The following STK32B variants were observed in gnomAD, a reference collection of about 807,000 sequenced individuals.
STK32B encodes serine/threonine-protein kinase 32B.
In STK32B, 43 loss-of-function variants were observed where a neutral mutation model predicts 52.6. The ratio of observed to expected loss-of-function variants is 0.82; its 90% CI spans 0.64 to 1.05. The LOEUF (loss-of-function observed/expected upper bound fraction) is 1.05, where lower values mean the gene tolerates loss of function less well. STK32B is among the 50% of genes least tolerant of loss of function. STK32B has a pLI of 0.00. For synonymous variants in STK32B, 238 were observed against 204.3 expected (o/e 1.17, Z -1.41); for missense variants, 621 against 534.6 (o/e 1.16, Z -1.59).
intron 4 of STK32B, among the ~76,000 whole-genome samples, chr4:5,392,206 G>A (rs559717678): frequency 2.4e-4 from 36 of 152,254 alleles, no homozygotes; most frequent in African/African-American, 7.0e-4. Flanking sequence ...AGGCCGAGGC[G>A]GGTGGATCAC....
chr4:5,073,352 C>A (rs1348347227), intron 1 of STK32B, among the ~76,000 whole-genome samples: 1 of 151,892 alleles, frequency 6.6e-6, no homozygotes, highest in East Asian at 1.9e-4. Flanking sequence ...TTTATCACAG[C>A]CTTACTTGCA....
At chr4:5,262,065 T>A (rs1398744987) in intron 3 of STK32B, among the ~76,000 whole-genome samples, 1 of 152,174 alleles carries the variant, frequency 6.6e-6, no homozygotes, top group Non-Finnish European at 1.5e-5. Flanking sequence ...TTCTCCGTCG[T>A]GCCTCCCTCC....
rs56869506 is a variant in STK32B at position 5,126,825 on chromosome 4, C to T, written c.53-13080C>T. ...AATATCTAAAACATGGCCATTTCTACTGATAACCCAGTTATCAATTTCCTG... is the reference window on the plus strand; with the variant it reads ...AATATCTAAAACATGGCCATTTCTATTGATAACCCAGTTATCAATTTCCTG... On this transcript the variant is annotated intron_variant, in intron 1 of 11. Coordinates refer to ENST00000282908, the MANE Select transcript of STK32B (RefSeq NM_018401.3). Among the ~76,000 whole-genome samples, 1,037 of 152,276 alleles carry T rather than the reference C, an allele frequency of 6.8e-3. 16 individuals are homozygous for T. Among genetic ancestry groups the T allele is most frequent in the African/African-American group, 0.023 (952 of 41,556 alleles).
intron 1 of STK32B, among the ~76,000 whole-genome samples, chr4:5,053,965 G>A (rs557610697): frequency 1.8e-5 from 2 of 113,170 alleles, no homozygotes; most frequent in African/African-American, 3.5e-5. Flanking sequence ...GGCACCAAGA[G>A]TGAAGCTCCA....
At chr4:5,127,613 C>G (rs1715484937) in intron 1 of STK32B, among the ~76,000 whole-genome samples, 1 of 119,864 alleles carries the variant, frequency 8.3e-6, no homozygotes, top group Non-Finnish European at 1.8e-5. Flanking sequence ...AGATAAAATC[C>G]TGGATTTAGA....
At chr4:5,329,099 C>T (rs111661068) in intron 3 of STK32B, among the ~76,000 whole-genome samples, 9 of 152,286 alleles carry the variant, frequency 5.9e-5, no homozygotes, top group Admixed American at 1.3e-4. Flanking sequence ...ATATTGGGAA[C>T]GTCCTGGGTA....
chr4:5,099,967 G>A lies in STK32B; in HGVS notation c.53-39938G>A, dbSNP rs188913181. ...ATCTGCATCTTTATTTGAGATGTTC[G>A]GATTTTAAAAGTTTATGTTTAATTC... On this transcript the variant is annotated intron_variant, in intron 1 of 11. Transcript: ENST00000282908. Among the ~76,000 whole-genome samples, 156 of 151,642 alleles carry A rather than the reference G, an allele frequency of 1.0e-3. 2 individuals are homozygous for A. Among genetic ancestry groups the A allele is most frequent in the African/African-American group, 3.6e-3 (147 of 41,328 alleles).
At chr4:5,240,787 G>T (rs1385929734) in intron 3 of STK32B, among the ~76,000 whole-genome samples, 1 of 152,096 alleles carries the variant, frequency 6.6e-6, no homozygotes, top group Non-Finnish European at 1.5e-5. Context: ...TCAATTTTCT[G>T]CTTTGATGAT....
intron 6 of STK32B, among the ~76,000 whole-genome samples, chr4:5,444,202 C>T (rs532703304): frequency 7.9e-5 from 12 of 152,264 alleles, no homozygotes; most frequent in African/African-American, 2.4e-4. Flanking sequence ...CCCCCAGCCT[C>T]GCTGCCGCCT....
intron 4 of STK32B, among the ~76,000 whole-genome samples, chr4:5,390,467 C>T (rs1436056973): frequency 5.9e-5 from 9 of 152,170 alleles, no homozygotes; most frequent in Admixed American, 5.9e-4. Flanking sequence ...AGGCCGTGTT[C>T]AGCCCTTATG....
At chr4:5,461,287 G>C (rs1034748) in intron 9 of STK32B, among the ~76,000 whole-genome samples, 1 of 151,964 alleles carries the variant, frequency 6.6e-6, no homozygotes, top group African/African-American at 2.4e-5. Context: ...TTCCAGCCCC[G>C]TATTATGTGA....
chr4:5,163,538 CTGTGTGTGTG>C (rs3077842), intron 2 of STK32B, among the ~76,000 whole-genome samples: 4,821 of 139,258 alleles, frequency 0.035, 202 homozygotes, highest in African/African-American at 0.1. Flanking sequence ...AGAGTGAAGG[CTGTGTGTGTG>C]TGTGTGTGTG....
At chr4:5,277,640 A>G (rs896750741) in intron 3 of STK32B, among the ~76,000 whole-genome samples, 4 of 152,212 alleles carry the variant, frequency 2.6e-5, no homozygotes, top group African/African-American at 9.6e-5. Context: ...ACTAAAAAAA[A>G]CTAAAAGATA....
At chr4:5,360,446 C>T (rs1485794088) in intron 4 of STK32B, among the ~76,000 whole-genome samples, 1 of 152,072 alleles carries the variant, frequency 6.6e-6, no homozygotes, top group Non-Finnish European at 1.5e-5. Context: ...CTGGACCAGC[C>T]AGAGGAGGGA....
intron 3 of STK32B, among the ~76,000 whole-genome samples, chr4:5,241,267 A>G (rs1241906414): frequency 6.6e-6 from 1 of 152,224 alleles, no homozygotes; most frequent in Non-Finnish European, 1.5e-5. Flanking sequence ...GGCTGCACTT[A>G]TCTGGGTTTT....
intron 7 of STK32B, among the ~76,000 whole-genome samples, chr4:5,450,417 C>T (rs1005069211): frequency 1.3e-5 from 2 of 152,170 alleles, no homozygotes; most frequent in African/African-American, 4.8e-5. Context: ...GACAGGTGAG[C>T]ACCCATCTGT....
intron 1 of STK32B, among the ~76,000 whole-genome samples, chr4:5,100,709 T>A (rs190449688): frequency 2.5e-5 from 1 of 39,760 alleles, no homozygotes; most frequent in Non-Finnish European, 4.5e-5. Flanking sequence ...TTCCTTCCTT[T>A]CTTCCTTCCC....
At chr4:5,258,039 C>A (rs1415253763) in intron 3 of STK32B, among the ~76,000 whole-genome samples, 1 of 152,196 alleles carries the variant, frequency 6.6e-6, no homozygotes, top group Non-Finnish European at 1.5e-5. Flanking sequence ...CTTTCTGTGA[C>A]TTGGCTCAGT....
At chr4:5,198,791 A>T (rs568930889) in intron 3 of STK32B, among the ~76,000 whole-genome samples, 7 of 152,214 alleles carry the variant, frequency 4.6e-5, no homozygotes, top group African/African-American at 1.7e-4. Flanking sequence ...GCATCCAAAC[A>T]TTGTGTCCTC....
Sources: gnomAD v4.1 joint callset for allele counts (sites outside exome capture counted in the v4.1 genomes callset) on GRCh38, gnomAD v4.1.1 for gene constraint, MANE v1.5 for transcripts, NCBI Gene and HGNC (gene_info 2026-07-23, HGNC 2026-07-21) for gene names.